The following PYGO1 variants were observed in gnomAD, a reference collection of about 807,000 sequenced individuals.
The protein encoded by PYGO1 is pygopus family PHD finger 1, also known as pygopus homolog 1.
In PYGO1, 6 loss-of-function variants were observed where a neutral mutation model predicts 29.5. The ratio of observed to expected loss-of-function variants is 0.20; its 90% CI spans 0.11 to 0.40. PYGO1 has a LOEUF of 0.40. PYGO1 is among the 10% of genes least tolerant of loss of function. The pLI, the probability that PYGO1 is intolerant of heterozygous loss-of-function variation, is 1.00. For missense variants in PYGO1, 515 were observed against 514.9 expected, an observed-to-expected ratio of 1.00 and a Z score of 0.00; for synonymous variants, 186 against 180.5, an observed-to-expected ratio of 1.03 and a Z score of -0.24.
intron 1 of PYGO1, among the ~76,000 whole-genome samples, chr15:55,569,237 G>A (rs1171150842): frequency 6.6e-6 from 1 of 151,900 alleles, no homozygotes; most frequent in African/African-American, 2.4e-5. Context: ...TAGGGTGTTT[G>A]TTTGTTTCAT....
At chr15:55,564,526 G>A (rs2058946876) in intron 1 of PYGO1, among the ~76,000 whole-genome samples, 1 of 152,192 alleles carries the variant, frequency 6.6e-6, no homozygotes, top group Non-Finnish European at 1.5e-5. Context: ...GAGCTCCTCT[G>A]CTCCTAGTGG....
chr15:55,577,036 A>G (rs2059005978), intron 1 of PYGO1, among the ~76,000 whole-genome samples: 1 of 151,722 alleles, frequency 6.6e-6, no homozygotes, highest in African/African-American at 2.4e-5. Context: ...CTCCCTCACG[A>G]TTTGCTCACA....
rs2058837979 is a variant in PYGO1 at position 55,543,831 on chromosome 15, T to TG, written c.*2191dup. On this transcript the variant is annotated 3_prime_UTR_variant, in exon 3 of 3. Transcript: ENST00000563719. Reference sequence around the variant, plus strand: ...CTACAACTAGGCATACAGCATACAGTGCATCATTTATTAAAAATCAGCACT... The same window carrying TG: ...CTACAACTAGGCATACAGCATACAGTGGCATCATTTATTAAAAATCAGCACT... 1.3e-5 allele frequency: 2 copies of TG among 152,160 alleles called. No individual in the cohort carries two copies. The highest frequency in any genetic ancestry group is 1.3e-4 in the Admixed American group (2 of 15,270). 9.4% of individuals were successfully genotyped at this position (152,160 alleles called of 1,614,324 possible).
intron 1 of PYGO1, among the ~76,000 whole-genome samples, chr15:55,557,176 A>C (rs2058909929): frequency 6.6e-6 from 1 of 152,212 alleles, no homozygotes; most frequent in Admixed American, 6.5e-5. Context: ...CACCGATCCC[A>C]CAGAAATACA....
In PYGO1 at chr15:55,541,017, A is replaced by T. The variant is rs1425186049; in HGVS notation, c.*5006T>A. 1 of 152,226 alleles carries T rather than the reference A, an allele frequency of 6.6e-6. No homozygotes were observed. The highest frequency in any genetic ancestry group is 1.5e-5 in the Non-Finnish European group (1 of 68,030). The allele number at this position is 152,226 out of a possible 1,614,324, so 9.4% of individuals were successfully genotyped here. ...ACATCATCTACACATCTACAGAACA[A>T]GAAAGGTACAGGTATTTAGAATAAG... On this transcript the variant is annotated 3_prime_UTR_variant, in exon 3 of 3. Coordinates refer to ENST00000563719, the MANE Select transcript of PYGO1 (RefSeq NM_001367806.1).
chr15:55,549,049 A>G lies in PYGO1; in HGVS notation c.50-54T>C, dbSNP rs1267289768. 4.4e-6 allele frequency: 6 copies of G among 1,370,182 alleles called. No individual in the cohort carries two copies. The East Asian group carries it at 1.4e-4, about 32-fold the overall frequency. The allele number at this position is 1,370,182 out of a possible 1,614,324, so 84.9% of individuals were successfully genotyped here. A position where few individuals can be genotyped will look rare whatever the true frequency, so the allele number is the denominator to read the frequency against. Reference sequence around the variant, plus strand: ...TCCCACTTGTAAGTGAAGTTACTTTATATCTCATAGTAATATCTATTATAT... The same window carrying G: ...TCCCACTTGTAAGTGAAGTTACTTTGTATCTCATAGTAATATCTATTATAT... On this transcript the variant is annotated intron_variant, in intron 1 of 2. Transcript: ENST00000563719.
intron 1 of PYGO1, among the ~76,000 whole-genome samples, chr15:55,555,273 A>T (rs1482234837): frequency 6.6e-6 from 1 of 152,084 alleles, no homozygotes; most frequent in Non-Finnish European, 1.5e-5. Flanking sequence ...TTTATAAGCA[A>T]AGGAGGAATA....
At chr15:55,565,832 G>A (rs558920401) in intron 1 of PYGO1, among the ~76,000 whole-genome samples, 1 of 152,108 alleles carries the variant, frequency 6.6e-6, no homozygotes, top group Non-Finnish European at 1.5e-5. Flanking sequence ...CACCAGGCTG[G>A]AGTGCAGTGG....
intron 1 of PYGO1, among the ~76,000 whole-genome samples, chr15:55,551,185 C>A (rs1034063078): frequency 2.0e-5 from 3 of 152,146 alleles, no homozygotes; most frequent in African/African-American, 7.2e-5. Context: ...GGTTGGGGAT[C>A]CCTGGTCAAG....
At chr15:55,548,146 A>G (rs575106988) in intron 2 of PYGO1, among the ~76,000 whole-genome samples, 1 of 152,150 alleles carries the variant, frequency 6.6e-6, no homozygotes, top group South Asian at 2.1e-4. Flanking sequence ...CAGCCTCCGC[A>G]ATAGCTGGGA....
upstream of PYGO1, among the ~76,000 whole-genome samples, chr15:55,588,510 G>T (rs2059060389): frequency 1.4e-5 from 2 of 147,224 alleles, no homozygotes; most frequent in Non-Finnish European, 1.5e-5. Flanking sequence ...CGCCACCGCC[G>T]CCGCCTCGCG....
chr15:55,568,457 T>C (rs1394877487), intron 1 of PYGO1, among the ~76,000 whole-genome samples: 2 of 152,082 alleles, frequency 1.3e-5, no homozygotes, highest in East Asian at 3.9e-4. Context: ...ATTTTGTATC[T>C]TGAAACCTTG....
chr15:55,554,468 C>CAAAAAAAAAAAAAAAAAAAAAAAAAA (rs56216226), intron 1 of PYGO1, among the ~76,000 whole-genome samples: 3 of 122,914 alleles, frequency 2.4e-5, no homozygotes, highest in Admixed American at 8.4e-5. Context: ...GACTCTGTCT[C>CAAAAAAAAAAAAAAAAAAAAAAAAAA]AAAAAAAAAA....
intron 1 of PYGO1, among the ~76,000 whole-genome samples, chr15:55,571,549 T>A (rs1364785269): frequency 2.0e-5 from 3 of 152,124 alleles, no homozygotes; most frequent in African/African-American, 7.2e-5. Context: ...TCTCACGAGA[T>A]CTGACGGTTT....
intron 1 of PYGO1, among the ~76,000 whole-genome samples, chr15:55,565,957 T>A (rs1265494852): frequency 6.6e-6 from 1 of 152,112 alleles, no homozygotes; most frequent in Non-Finnish European, 1.5e-5. Flanking sequence ...AATTTTTGTA[T>A]TTTTAGTAGA....
intron 1 of PYGO1, among the ~76,000 whole-genome samples, chr15:55,550,659 C>A (rs2058874974): frequency 6.6e-6 from 1 of 152,168 alleles, no homozygotes; most frequent in Non-Finnish European, 1.5e-5. Flanking sequence ...ACTGTCCATG[C>A]TACCTCACTT....
At position 55,546,427 on chromosome 15, in the gene PYGO1, T is replaced by C. The variant is rs757026680; in HGVS notation, c.856A>G (p.Asn286Asp). ...GCTTCAGTGCTACTTGAACGGCTGT[T>C]CTCCTGATTTACTGCATTGTTTCGA... Reference protein sequence around the residue: ...VNRNNAVNQENSRSSSTEATN... With the variant: ...VNRNNAVNQEDSRSSSTEATN... The change falls in exon 3 of 3, where the codon AAC becomes GAC. Residue 286 changes from asparagine (N) to aspartate (D), a missense_variant. Transcript: ENST00000563719. 5.3e-5 allele frequency: 85 copies of C among 1,614,038 alleles called. No homozygotes were observed. The highest frequency in any genetic ancestry group is 6.6e-5 in the Non-Finnish European group (78 of 1,180,022).
rs1595979530 is a variant in PYGO1, at chr15:55,546,128, T to A, written c.1155A>T (p.Glu385Asp). Residue 385 changes from glutamate to aspartate, a missense_variant, in exon 3 of 3, where the codon GAA becomes GAT. Physicochemically the swap from Glu to Asp is conservative, Grantham distance 45 (BLOSUM62 2). Transcript: ENST00000563719. The part of the protein sequence containing the change: ...TETAYGLLTA[E>D]ASAVWGCDTC... ...TATCACAGCCCCATACTGCAGATGC[T>A]TCTGCAGTTAAGAGGCCATAAGCTG... The A allele has an allele frequency of 6.2e-7, 1 of 1,613,740 alleles. No individual in the cohort carries two copies. Among genetic ancestry groups the A allele is most frequent in the African/African-American group, 1.3e-5 (1 of 74,928 alleles).
intron 1 of PYGO1, among the ~76,000 whole-genome samples, chr15:55,555,011 C>A (rs536335967): frequency 3.3e-5 from 5 of 151,866 alleles, no homozygotes; most frequent in Admixed American, 6.6e-5. Context: ...ATCCAGAGAA[C>A]CCCAGTAAAA....
Sources: allele counts gnomAD v4.1 joint callset (sites outside exome capture counted in the v4.1 genomes callset), GRCh38; gene constraint gnomAD v4.1.1; transcripts MANE v1.5; gene names NCBI Gene and HGNC (gene_info 2026-07-23, HGNC 2026-07-21).